CAP2: variants seen among roughly 807,000 people sequenced by gnomAD.
CAP2 encodes the protein adenylyl cyclase-associated protein 2.
A neutral mutation model predicts 57.7 loss-of-function variants in CAP2; 24 were observed. The ratio of observed to expected loss-of-function variants is 0.42; its 90% CI spans 0.30 to 0.58. CAP2 has a LOEUF of 0.58. Among genes scored for constraint, CAP2 ranks in the 20% least tolerant of loss-of-function variants. The pLI, the probability that CAP2 is intolerant of heterozygous loss-of-function variation, is 0.22. For synonymous variants in CAP2, 194 were observed against 207.2 expected (o/e 0.94, Z 0.55); for missense variants, 501 against 590.3 (o/e 0.85, Z 1.57).
intron 4 of CAP2, among the ~76,000 whole-genome samples, chr6:17,467,343 C>T (rs1414369265): frequency 6.6e-6 from 1 of 152,168 alleles, no homozygotes; most frequent in Admixed American, 6.5e-5. Flanking sequence ...TGTTGCTGAA[C>T]TCTAAGGTAA....
intron 6 of CAP2, among the ~76,000 whole-genome samples, chr6:17,507,963 TC>T (rs1292804176): frequency 6.6e-6 from 1 of 152,210 alleles, no homozygotes; most frequent in Non-Finnish European, 1.5e-5. Context: ...GAATAAACTC[TC>T]CCCACTTGAA....
chr6:17,450,509 C>G (rs1760376029), intron 3 of CAP2, among the ~76,000 whole-genome samples: 1 of 152,150 alleles, frequency 6.6e-6, no homozygotes, highest in Admixed American at 6.5e-5. Context: ...GATTCTAGGT[C>G]TGGATGTAGA....
In CAP2 at chr6:17,406,469, C is replaced by T. The variant is rs9370985; in HGVS notation, c.-2+12723C>T. On this transcript the variant is annotated intron_variant, in intron 1 of 12. Transcript: ENST00000229922. ...AGTGCAAGGGTGCAATCTCGGCTCA[C>T]TGCAACCTCCGCCTCCTGGATTCAA... Among the ~76,000 whole-genome samples the T allele has an allele frequency of 2.8e-5, 4 of 144,888 alleles. No homozygotes were observed. In the East Asian group the frequency reaches 8.1e-4, roughly 29 times the overall value.
intron 2 of CAP2, among the ~76,000 whole-genome samples, chr6:17,424,703 G>A (rs1759538396): frequency 6.6e-6 from 1 of 152,174 alleles, no homozygotes; most frequent in South Asian, 2.1e-4. Context: ...TTTGATTAAG[G>A]GATGCTCAAA....
At position 17,421,677 on chromosome 6, in the gene CAP2, G is replaced by T; in HGVS notation, c.121+1G>T. ...GGGGAAGTCAATGGTGTCATTGCAG[G>T]TAGGGTCACAAACTGTTGTCATTCC... is the stretch of plus-strand genomic sequence containing the variant. On this transcript the variant is annotated splice_donor_variant, in intron 2 of 12. Transcript: ENST00000229922. LOFTEE classifies it high-confidence loss of function. 2 of 1,614,162 alleles carry T rather than the reference G, an allele frequency of 1.2e-6. No individual in the cohort carries two copies. Among genetic ancestry groups the T allele is most frequent in the Non-Finnish European group, 1.7e-6 (2 of 1,180,020 alleles).
At position 17,525,309 on chromosome 6, in the gene CAP2, A is replaced by G. The variant is rs1194791899; in HGVS notation, c.636+11355A>G. ...TTTTATTTACCAGAACTTTTTCATA[A>G]TCAAGAATTCAAAGCTCTCTAAAAT... On this transcript the variant is annotated intron_variant, in intron 7 of 12. Coordinates refer to ENST00000229922, the MANE Select transcript of CAP2 (RefSeq NM_006366.3). Among the ~76,000 whole-genome samples the G allele has an allele frequency of 2.6e-5, 4 of 152,156 alleles. No homozygotes were observed. In the East Asian group the frequency reaches 5.8e-4, roughly 22 times the overall value.
At chr6:17,472,290 C>T (rs1295563662) in intron 4 of CAP2, among the ~76,000 whole-genome samples, 2 of 24,316 alleles carry the variant, frequency 8.2e-5, no homozygotes, top group Non-Finnish European at 1.4e-4. Flanking sequence ...GCCGAGATCC[C>T]GCCACTGCAC....
intron 3 of CAP2, among the ~76,000 whole-genome samples, chr6:17,441,669 G>A (rs1472893019): frequency 6.8e-6 from 1 of 146,960 alleles, no homozygotes; most frequent in African/African-American, 2.7e-5. Context: ...ATTTTTAGTA[G>A]AGACAGCGTT....
At chr6:17,433,518 G>A (rs1759796561) in intron 3 of CAP2, among the ~76,000 whole-genome samples, 1 of 152,200 alleles carries the variant, frequency 6.6e-6, no homozygotes, top group Non-Finnish European at 1.5e-5. Context: ...ACCAGGCTTA[G>A]GCCCAGGGCA....
At chr6:17,412,254 C>T (rs1268674536) in intron 1 of CAP2, among the ~76,000 whole-genome samples, 2 of 152,160 alleles carry the variant, frequency 1.3e-5, no homozygotes, top group Non-Finnish European at 1.5e-5. Flanking sequence ...GAACTGTCTA[C>T]TCCTCAAGGA....
intron 6 of CAP2, among the ~76,000 whole-genome samples, chr6:17,509,700 A>C (rs539942893): frequency 6.6e-6 from 1 of 151,656 alleles, no homozygotes; most frequent in African/African-American, 2.4e-5. Context: ...CATATCCAGC[A>C]ATTCCACTCC....
At chr6:17,471,230 T>C (rs1315409924) in intron 4 of CAP2, among the ~76,000 whole-genome samples, 1 of 152,174 alleles carries the variant, frequency 6.6e-6, no homozygotes, top group African/African-American at 2.4e-5. Context: ...TGTCATAGCA[T>C]TGCTCAATCA....
intron 4 of CAP2, among the ~76,000 whole-genome samples, chr6:17,494,815 C>T (rs748337482): frequency 2.0e-5 from 3 of 152,118 alleles, no homozygotes; most frequent in Non-Finnish European, 4.4e-5. Flanking sequence ...ATTGCGCTTC[C>T]AAATCAGTTG....
rs2113666571 is a variant in CAP2 at position 17,513,001 on chromosome 6, A to T, written c.531-848A>T. On this transcript the variant is annotated intron_variant, in intron 6 of 12. Transcript: ENST00000229922. The surrounding 1 kb of genome is among the most constrained non-coding windows in gnomAD (Gnocchi z 4.3). ...CATAATTAAATTTTTCTTAACTCAA[A>T]TGTCATTATTTTTGCATTTACCTTG... Among the ~76,000 whole-genome samples, 1 of 152,312 alleles carries T rather than the reference A, an allele frequency of 6.6e-6. No individual in the cohort carries two copies. The highest frequency in any genetic ancestry group is 2.4e-5 in the African/African-American group (1 of 41,574).
At chr6:17,442,723 AT>A (rs34691133) in intron 3 of CAP2, among the ~76,000 whole-genome samples, 116 of 146,742 alleles carry the variant, frequency 7.9e-4, no homozygotes, top group African/African-American at 1.9e-3. Flanking sequence ...CCCCATCACT[AT>A]TTTTTTTTTT....
intron 3 of CAP2, among the ~76,000 whole-genome samples, chr6:17,447,885 G>A (rs1457556996): frequency 2.0e-5 from 3 of 152,240 alleles, no homozygotes; most frequent in African/African-American, 7.2e-5. Context: ...GTAGTAAGGG[G>A]TAGAGTTGAA....
chr6:17,522,294 A>G (rs188218032), intron 7 of CAP2, among the ~76,000 whole-genome samples: 14 of 152,262 alleles, frequency 9.2e-5, no homozygotes, highest in African/African-American at 3.4e-4. Flanking sequence ...GAAATCATTC[A>G]CTTTTACACG....
chr6:17,469,115 G>A (rs1055463090), intron 4 of CAP2, among the ~76,000 whole-genome samples: 3 of 152,218 alleles, frequency 2.0e-5, no homozygotes, highest in Admixed American at 6.5e-5. Flanking sequence ...ACTCTCGCCC[G>A]AGCTGCAGAG....
At chr6:17,522,041 G>A (rs1262341251) in intron 7 of CAP2, among the ~76,000 whole-genome samples, 2 of 152,052 alleles carry the variant, frequency 1.3e-5, no homozygotes, top group Non-Finnish European at 2.9e-5. Flanking sequence ...CCTGGGAGGT[G>A]GAGGTTGCAG....
Sources: gnomAD v4.1 joint callset for allele counts (sites outside exome capture counted in the v4.1 genomes callset) on GRCh38, gnomAD v4.1.1 for gene constraint, Gnocchi (gnomAD v3.1) non-coding constraint, MANE v1.5 for transcripts, NCBI Gene and HGNC (gene_info 2026-07-23, HGNC 2026-07-21) for gene names.